The following FNDC1 variants were observed in gnomAD, a reference collection of about 807,000 sequenced individuals.
FNDC1 encodes fibronectin type III domain-containing protein 1.
Under a neutral mutation model 168.0 loss-of-function variants are expected in FNDC1, and 96 were observed. The observed-to-expected ratio is 0.57, with a 90% confidence interval of 0.48 to 0.68. The LOEUF is 0.68. Ranked by LOEUF, FNDC1 falls within the 30% of genes least tolerant of loss-of-function variation. The pLI, the probability that FNDC1 is intolerant of heterozygous loss-of-function variation, is 0.00. For missense variants in FNDC1, 2,587 were observed against 2,482.1 expected (o/e 1.04, Z -0.90); for synonymous variants, 1,099 against 1,025.9 (o/e 1.07, Z -1.36).
rs1268033457 is a variant in FNDC1, at chr6:159,232,996, C to A, written c.2484C>A (p.Asn828Lys). 5 of 1,612,298 alleles carry A rather than the reference C, an allele frequency of 3.1e-6. No individual in the cohort carries two copies. Among genetic ancestry groups the A allele is most frequent in the Non-Finnish European group, 1.7e-6 (2 of 1,179,652 alleles). The change falls in exon 11 of 23, where the codon AAC becomes AAA. Residue 828 changes from asparagine (N) to lysine (K), a missense_variant. Transcript: ENST00000297267. This position sits in a 1 kb window ranked among gnomAD's most constrained non-coding sequence, Gnocchi z 4.9. ...HLLRHKPFAA[N>K]GRSPSRFSIG... ...TCAGACACAAACCCTTTGCTGCCAA[C>A]GGGAGGTCTCCAAGCAGGTTCAGCA...
At chr6:159,207,447 C>T (rs764063469) in intron 4 of FNDC1, among the ~76,000 whole-genome samples, 1 of 152,162 alleles carries the variant, frequency 6.6e-6, no homozygotes, top group Non-Finnish European at 1.5e-5. Flanking sequence ...AAACCTAATA[C>T]TTCTGATGAG....
chr6:159,179,506 C>G (rs1781838042), intron 1 of FNDC1, among the ~76,000 whole-genome samples: 1 of 152,174 alleles, frequency 6.6e-6, no homozygotes. Context: ...GCCTCATCCT[C>G]TTCAGGTTCT....
intron 1 of FNDC1, among the ~76,000 whole-genome samples, chr6:159,177,010 G>A (rs575223953): frequency 6.6e-6 from 1 of 152,298 alleles, no homozygotes; most frequent in East Asian, 1.9e-4. Context: ...GGGCTCCAGG[G>A]TAGCATAAGT....
Position 159,236,198 on chromosome 6 carries a change from T to C in FNDC1, c.3968-17T>C, listed in dbSNP as rs1437082010. ...AATTTACCAGGCTCTGTTATTTTTA[T>C]TTTTGGTACTGTGTAGGTTATAATG... On this transcript the variant is annotated splice_polypyrimidine_tract_variant and intron_variant, in intron 11 of 22. Transcript: ENST00000297267. The C allele has an allele frequency of 1.3e-6, 2 of 1,584,556 alleles. No homozygotes were observed. The highest frequency in any genetic ancestry group is 1.7e-6 in the Non-Finnish European group (2 of 1,157,690).
At chr6:159,192,823 C>CT (rs890272936) in intron 1 of FNDC1, among the ~76,000 whole-genome samples, 9 of 152,094 alleles carry the variant, frequency 5.9e-5, no homozygotes, top group Non-Finnish European at 1.3e-4. Context: ...CCCAGGACAG[C>CT]TTTTTCAGAG....
chr6:159,214,718 T>G lies in FNDC1; in HGVS notation c.461-227T>G, dbSNP rs1400749510. Among the ~76,000 whole-genome samples, 6 of 152,216 alleles carry G rather than the reference T, an allele frequency of 3.9e-5. No homozygotes were observed. In the East Asian group the frequency reaches 1.2e-3, roughly 29 times the overall value. ...CAGTCTCACAACATGGAATGTTTTATTTTAATTTCTTGAGACCTTTTGGTA... is the reference window on the plus strand; with the variant it reads ...CAGTCTCACAACATGGAATGTTTTAGTTTAATTTCTTGAGACCTTTTGGTA... On this transcript the variant is annotated intron_variant, in intron 4 of 22. Coordinates refer to ENST00000297267, the MANE Select transcript of FNDC1 (RefSeq NM_032532.3).
chr6:159,203,677 G>A (rs1562635847), intron 4 of FNDC1, among the ~76,000 whole-genome samples: 1 of 152,210 alleles, frequency 6.6e-6, no homozygotes, highest in East Asian at 1.9e-4. Context: ...GATGTCACAA[G>A]TCTGTTCATT....
chr6:159,213,238 G>A (rs536208122), intron 4 of FNDC1, among the ~76,000 whole-genome samples: 6 of 152,292 alleles, frequency 3.9e-5, no homozygotes, highest in South Asian at 2.1e-4. Flanking sequence ...TGCTGTTGGG[G>A]TGTGTGGCTC....
chr6:159,255,958 G>T (rs1424686263), intron 17 of FNDC1, among the ~76,000 whole-genome samples: 1 of 152,214 alleles, frequency 6.6e-6, no homozygotes, highest in Non-Finnish European at 1.5e-5. Flanking sequence ...ACAATAGAAA[G>T]AAGAGCTGCC....
intron 15 of FNDC1, among the ~76,000 whole-genome samples, chr6:159,247,887 G>A (rs1777170842): frequency 6.6e-6 from 1 of 152,226 alleles, no homozygotes; most frequent in Non-Finnish European, 1.5e-5. Flanking sequence ...TGCCTCTGCA[G>A]TTGAAGAAGT....
rs761234995 is a variant in FNDC1 at position 159,232,801 on chromosome 6, G to A, written c.2289G>A (p.Met763Ile). Reference sequence around the variant, plus strand: ...CCAATGCGCCATCACGGTCCACCATGTCCTCCTCCGTCTCTTCTCATCTCT... The same window carrying A: ...CCAATGCGCCATCACGGTCCACCATATCCTCCTCCGTCTCTTCTCATCTCT... ...TNSNAPSRST[M>I]SSSVSSHLSS... Residue 763 changes from methionine to isoleucine, a missense_variant, in exon 11 of 23, where the codon ATG becomes ATA. Coordinates refer to ENST00000297267, the MANE Select transcript of FNDC1 (RefSeq NM_032532.3). The surrounding 1 kb of genome is among the most constrained non-coding windows in gnomAD (Gnocchi z 4.9). The A allele has an allele frequency of 5.0e-6, 8 of 1,613,862 alleles. No individual in the cohort carries two copies. In the Admixed American group the frequency reaches 1.0e-4, roughly 20 times the overall value.
At chr6:159,262,973 C>A (rs575503879) in intron 19 of FNDC1, among the ~76,000 whole-genome samples, 1 of 152,318 alleles carries the variant, frequency 6.6e-6, no homozygotes, top group African/African-American at 2.4e-5. Context: ...GCTAGGCGAG[C>A]AACAGGCAAA....
intron 5 of FNDC1, among the ~76,000 whole-genome samples, chr6:159,220,934 C>A (rs1469629225): frequency 6.6e-6 from 1 of 152,106 alleles, no homozygotes; most frequent in Non-Finnish European, 1.5e-5. Context: ...ACCAGCTGTT[C>A]AATTTTCAAG....
intron 15 of FNDC1, among the ~76,000 whole-genome samples, 157 bp from the exon 16 acceptor site, chr6:159,248,882 G>T (rs751339965): frequency 1.3e-5 from 2 of 152,064 alleles, no homozygotes; most frequent in Non-Finnish European, 2.9e-5. Context: ...AACAAATTAC[G>T]TTTGGGCATA....
chr6:159,240,715 G>C (rs1783399893), intron 14 of FNDC1: 1 of 152,156 alleles, frequency 6.6e-6, no homozygotes, highest in African/African-American at 2.4e-5. Flanking sequence ...CCTTTATCCA[G>C]GTCATCGTGG....
At position 159,215,011 on chromosome 6, in the gene FNDC1, C is replaced by A; in HGVS notation, c.527C>A (p.Ala176Glu). The A allele has an allele frequency of 6.2e-7, 1 of 1,613,984 alleles. No individual in the cohort carries two copies. Among genetic ancestry groups the A allele is most frequent in the Non-Finnish European group, 8.5e-7 (1 of 1,179,880 alleles). Reference protein sequence around the residue: ...VRSSDDRLSVAWKAPRLSGAK... With the variant: ...VRSSDDRLSVEWKAPRLSGAK... ...TCCTCAGATGACAGGCTGTCCGTTG[C>A]GTGGAAGGCACCACGCCTGTCTGGA... The change falls in exon 5 of 23, where the codon GCG becomes GAG. Residue 176 changes from alanine (A) to glutamate (E), a missense_variant. By Grantham distance (107) the Ala-to-Glu change is moderately radical. Transcript: ENST00000297267.
intron 4 of FNDC1, among the ~76,000 whole-genome samples, chr6:159,201,770 G>T (rs294920): frequency 6.6e-6 from 1 of 152,012 alleles, no homozygotes; most frequent in African/African-American, 2.4e-5. Flanking sequence ...AAACAGACAC[G>T]TGTGAACCTT....
chr6:159,236,273 G>C lies in FNDC1; in HGVS notation c.4026G>C (p.Pro1342=), dbSNP rs772151913. 1.2e-6 allele frequency: 2 copies of C among 1,613,732 alleles called. No individual in the cohort carries two copies. The highest frequency in any genetic ancestry group is 1.7e-6 in the Non-Finnish European group (2 of 1,179,740). Residue 1342 remains proline (P), a synonymous_variant, in exon 12 of 23, where the codon CCG becomes CCC. Transcript: ENST00000297267. ...TCCTTCCTGGTAGTAATGGAAAACC[G>C]AATGGACAGAGAATTATCAATGGCC... ...GKVLPGSNGK[P]NGQRIINGPQ...
At position 159,220,795 on chromosome 6, in the gene FNDC1, C is replaced by A. The variant is rs9457570; in HGVS notation, c.668-803C>A. Among the ~76,000 whole-genome samples, 300 of 152,338 alleles carry A rather than the reference C, an allele frequency of 2.0e-3. 1 individual carries two copies. The highest frequency in any genetic ancestry group is 6.9e-3 in the African/African-American group (287 of 41,576). On this transcript the variant is annotated intron_variant, in intron 5 of 22. Coordinates refer to ENST00000297267, the MANE Select transcript of FNDC1 (RefSeq NM_032532.3). ...CAGACTCAAGACCCTGCAGAATCCA[C>A]GTACAGTAAAGGCTGGCCCTCCCTG...
Sources: gnomAD v4.1 joint callset for allele counts (sites outside exome capture counted in the v4.1 genomes callset) on GRCh38, gnomAD v4.1.1 for gene constraint, Gnocchi (gnomAD v3.1) non-coding constraint, MANE v1.5 for transcripts, NCBI Gene and HGNC (gene_info 2026-07-23, HGNC 2026-07-21) for gene names.